Variants in DCC observed in about 807,000 individuals in gnomAD.
DCC encodes the protein netrin receptor DCC.
In DCC, 58 loss-of-function variants were observed where a neutral mutation model predicts 172.5. That is an observed-to-expected ratio of 0.34 (90% CI 0.27 to 0.42). The LOEUF (loss-of-function observed/expected upper bound fraction) is 0.42. Among genes scored for constraint, DCC ranks in the 10% least tolerant of loss-of-function variants. DCC has a pLI of 1.00. For missense variants in DCC, 1,740 were observed against 1,791.0 expected (o/e 0.97, Z 0.51); for synonymous variants, 709 against 644.5 (o/e 1.10, Z -1.52).
intron 16 of DCC, among the ~76,000 whole-genome samples, chr18:53,388,645 C>A (rs1417820919): frequency 3.9e-5 from 6 of 152,078 alleles, no homozygotes; most frequent in African/African-American, 7.2e-5. Flanking sequence ...GTCTTAAGGA[C>A]AAGATATCTT....
intron 15 of DCC, among the ~76,000 whole-genome samples, chr18:53,380,256 C>T (rs906961810): frequency 6.6e-5 from 10 of 152,172 alleles, no homozygotes; most frequent in African/African-American, 2.2e-4. Context: ...AATAGTTCCA[C>T]ATTGCTCTCC....
intron 19 of DCC, among the ~76,000 whole-genome samples, chr18:53,409,170 G>A (rs1909841093): frequency 6.6e-6 from 1 of 152,076 alleles, no homozygotes; most frequent in Admixed American, 6.6e-5. Context: ...GAAGGAAGAA[G>A]AATCATGGAA....
At chr18:52,388,524 G>A (rs576539836) in intron 1 of DCC, among the ~76,000 whole-genome samples, 11 of 150,588 alleles carry the variant, frequency 7.3e-5, no homozygotes, top group South Asian at 6.3e-4. Context: ...TTTTCCCCAC[G>A]GAAATCTATA....
chr18:52,845,989 C>G (rs1278157903), intron 2 of DCC, among the ~76,000 whole-genome samples: 1 of 152,158 alleles, frequency 6.6e-6, no homozygotes, highest in African/African-American at 2.4e-5. Flanking sequence ...TGTAAGGATC[C>G]AAGGCACTGG....
At chr18:52,702,327 C>G (rs529975608) in intron 1 of DCC, among the ~76,000 whole-genome samples, 133 of 152,038 alleles carry the variant, frequency 8.7e-4, no homozygotes, top group African/African-American at 2.9e-3. Flanking sequence ...ATTTATAATA[C>G]AGCCCATGCT....
chr18:53,281,194 C>T (rs2056867579), intron 12 of DCC, among the ~76,000 whole-genome samples: 1 of 152,048 alleles, frequency 6.6e-6, no homozygotes, highest in Non-Finnish European at 1.5e-5. Context: ...TTAAATATAG[C>T]TACAAAACAG....
chr18:52,355,777 G>GTAT (rs1984336530), intron 1 of DCC, among the ~76,000 whole-genome samples: 1 of 152,094 alleles, frequency 6.6e-6, no homozygotes, highest in South Asian at 2.1e-4. Flanking sequence ...ATATATTATT[G>GTAT]TATTATTAAG....
At chr18:53,132,388 C>G (rs1017706382) in intron 7 of DCC, among the ~76,000 whole-genome samples, 5 of 152,056 alleles carry the variant, frequency 3.3e-5, no homozygotes, top group African/African-American at 1.2e-4. Flanking sequence ...CTCCAGCACA[C>G]TGCGGAAGCT....
intron 1 of DCC, among the ~76,000 whole-genome samples, chr18:52,706,863 C>T (rs2036220218): frequency 6.6e-6 from 1 of 152,034 alleles, no homozygotes; most frequent in South Asian, 2.1e-4. Flanking sequence ...TGTCCTGAGC[C>T]CAAGGTGTCT....
chr18:52,635,605 A>G (rs1798584259), intron 1 of DCC, among the ~76,000 whole-genome samples: 3 of 152,226 alleles, frequency 2.0e-5, no homozygotes, highest in African/African-American at 7.2e-5. Context: ...TATTACACTT[A>G]TAAATTCAGT....
At chr18:53,054,529 C>T (rs2042377771) in intron 5 of DCC, among the ~76,000 whole-genome samples, 1 of 151,984 alleles carries the variant, frequency 6.6e-6, no homozygotes, top group Non-Finnish European at 1.5e-5. Flanking sequence ...GATAATCCTC[C>T]CATTATTATT....
chr18:52,852,911 T>A (rs1054986718), intron 2 of DCC, among the ~76,000 whole-genome samples: 9 of 152,204 alleles, frequency 5.9e-5, no homozygotes, highest in African/African-American at 2.2e-4. Flanking sequence ...CTGTTAGTGG[T>A]TCCAGCTAAT....
At position 52,923,877 on chromosome 18, in the gene DCC, T is replaced by A; in HGVS notation, c.848+20T>A. ...ACTCAGGTATTTCACATTTAAGACTTTTTTGTAAAGTGTACTTTTGTATGG... is the reference window on the plus strand; with the variant it reads ...ACTCAGGTATTTCACATTTAAGACTATTTTGTAAAGTGTACTTTTGTATGG... On this transcript the variant is annotated intron_variant, in intron 4 of 28. Coordinates refer to ENST00000442544, the MANE Select transcript of DCC (RefSeq NM_005215.4). 6 of 1,599,656 alleles carry A rather than the reference T, an allele frequency of 3.8e-6. No individual in the cohort carries two copies. The highest frequency in any genetic ancestry group is 5.1e-6 in the Non-Finnish European group (6 of 1,167,076).
chr18:52,605,520 T>C (rs183763316), intron 1 of DCC, among the ~76,000 whole-genome samples: 1 of 152,284 alleles, frequency 6.6e-6, no homozygotes, highest in Non-Finnish European at 1.5e-5. Flanking sequence ...TTAGAAGAAA[T>C]TTAGAACTCC....
intron 25 of DCC, among the ~76,000 whole-genome samples, chr18:53,486,506 G>A (rs910121343): frequency 3.3e-5 from 5 of 152,116 alleles, no homozygotes; most frequent in Admixed American, 1.3e-4. Context: ...CAACATGACC[G>A]ACATAAAATG....
intron 5 of DCC, among the ~76,000 whole-genome samples, chr18:53,043,293 T>A: frequency 6.9e-6 from 1 of 144,426 alleles, no homozygotes; most frequent in Admixed American, 7.1e-5. Context: ...GAGGGGAATA[T>A]CACACAGTGG....
intron 1 of DCC, among the ~76,000 whole-genome samples, chr18:52,704,289 T>G (rs1054558316): frequency 6.6e-6 from 1 of 152,160 alleles, no homozygotes; most frequent in Non-Finnish European, 1.5e-5. Context: ...TCTGTGCCCT[T>G]ACAACATGGA....
At chr18:52,892,215 A>G (rs189422223) in intron 2 of DCC, among the ~76,000 whole-genome samples, 131 of 152,222 alleles carry the variant, frequency 8.6e-4, no homozygotes, top group African/African-American at 3.1e-3. Flanking sequence ...GGTCATAAAC[A>G]AGCTTGGAAG....
chr18:53,079,851 G>A (rs1270846129), intron 7 of DCC, among the ~76,000 whole-genome samples: 3 of 152,160 alleles, frequency 2.0e-5, no homozygotes, highest in Admixed American at 1.3e-4. Flanking sequence ...AGAAGCAAAA[G>A]TATGTATTCA....
Sources: gnomAD v4.1 joint callset for allele counts (sites outside exome capture counted in the v4.1 genomes callset) on GRCh38, gnomAD v4.1.1 for gene constraint, MANE v1.5 for transcripts, NCBI Gene and HGNC (gene_info 2026-07-23, HGNC 2026-07-21) for gene names.